The following ERCC6L2 variants were observed in gnomAD, a reference collection of about 807,000 sequenced individuals.
ERCC6L2 encodes ERCC excision repair 6 like 2, also known as DNA excision repair protein ERCC-6-like 2.
Under a neutral mutation model 132.0 loss-of-function variants are expected in ERCC6L2, and 77 were observed. The ratio of observed to expected loss-of-function variants is 0.58; its 90% CI spans 0.49 to 0.71. The LOEUF is 0.71. Ranked by LOEUF, ERCC6L2 falls within the 30% of genes least tolerant of loss-of-function variation. The pLI, the probability that ERCC6L2 is intolerant of heterozygous loss-of-function variation, is 0.00. For synonymous variants in ERCC6L2, 583 were observed against 632.4 expected, an observed-to-expected ratio of 0.92 and a Z score of 1.17; for missense variants, 1,542 against 1,837.6, an observed-to-expected ratio of 0.84 and a Z score of 2.94.
At chr9:96,033,714 C>T (rs1326961672) in intron 19 of ERCC6L2, among the ~76,000 whole-genome samples, 1 of 152,188 alleles carries the variant, frequency 6.6e-6, no homozygotes, top group Non-Finnish European at 1.5e-5. Flanking sequence ...TGTTTCTATC[C>T]ATGAAATAAA....
intron 14 of ERCC6L2, chr9:95,967,312 C>G (rs1832202807): frequency 6.6e-6 from 1 of 152,104 alleles, no homozygotes; most frequent in Non-Finnish European, 1.5e-5. Flanking sequence ...AATTGATATT[C>G]ATATAGGTAT....
rs747385080 is a variant in ERCC6L2 at position 95,922,302 on chromosome 9, C to T, written c.1300-3C>T. 3 of 1,556,824 alleles carry T rather than the reference C, an allele frequency of 1.9e-6. No individual in the cohort carries two copies. In the South Asian group the frequency reaches 3.4e-5, roughly 17 times the overall value. On this transcript the variant is annotated splice_region_variant and splice_polypyrimidine_tract_variant and intron_variant, in intron 7 of 18. Coordinates refer to ENST00000653738, the MANE Select transcript of ERCC6L2 (RefSeq NM_020207.7). ...TTTATTTTCTATATTTTTCTGGTTACAGACCAATTCTCATGGTGAAACAGT... is the reference window on the plus strand; with the variant it reads ...TTTATTTTCTATATTTTTCTGGTTATAGACCAATTCTCATGGTGAAACAGT...
At chr9:95,955,265 C>T (rs1363483038) in intron 12 of ERCC6L2, among the ~76,000 whole-genome samples, 1 of 152,192 alleles carries the variant, frequency 6.6e-6, no homozygotes, top group Non-Finnish European at 1.5e-5. Context: ...TAGACCAGCA[C>T]TTCATAGACT....
chr9:95,925,318 G>A (rs1295375844), intron 9 of ERCC6L2, among the ~76,000 whole-genome samples: 1 of 152,166 alleles, frequency 6.6e-6, no homozygotes, highest in East Asian at 1.9e-4. Context: ...GCCACTTACT[G>A]TGGAGGGTGG....
At chr9:95,914,623 A>T (rs774954478) in intron 4 of ERCC6L2, among the ~76,000 whole-genome samples, 1 of 152,154 alleles carries the variant, frequency 6.6e-6, no homozygotes, top group Non-Finnish European at 1.5e-5. Flanking sequence ...AAGTGCTGGG[A>T]TTACAAGCAT....
intron 2 of ERCC6L2, among the ~76,000 whole-genome samples, chr9:95,885,634 A>G (rs1293007781): frequency 1.3e-5 from 2 of 152,168 alleles, no homozygotes; most frequent in Non-Finnish European, 2.9e-5. Flanking sequence ...TCACTGGAGT[A>G]TACAGGTTTG....
chr9:96,036,454 C>A (rs62559796), intron 19 of ERCC6L2, among the ~76,000 whole-genome samples: 15,822 of 152,222 alleles, frequency 0.1, 892 homozygotes, highest in African/African-American at 0.13. Flanking sequence ...TTGTCCACCT[C>A]ATGGGTGTTC....
At chr9:95,994,067 C>G (rs1369549668) in intron 17 of ERCC6L2, among the ~76,000 whole-genome samples, 1 of 152,292 alleles carries the variant, frequency 6.6e-6, no homozygotes, top group Middle Eastern at 3.4e-3. Context: ...TTTTCTATCT[C>G]CAGGCACAAA....
downstream of ERCC6L2, among the ~76,000 whole-genome samples, chr9:96,018,810 T>G (rs868557909): frequency 3.1e-4 from 47 of 152,168 alleles, no homozygotes; most frequent in African/African-American, 1.1e-3. Flanking sequence ...TTGCCTAAGT[T>G]TCCATTAAGA....
chr9:95,923,598 A>G (rs1315256492), intron 9 of ERCC6L2, among the ~76,000 whole-genome samples: 2 of 152,172 alleles, frequency 1.3e-5, no homozygotes, highest in Non-Finnish European at 2.9e-5. Context: ...AGTTGCTTCA[A>G]ATATACTTCA....
At chr9:95,940,057 A>ATT (rs1830727796) in intron 11 of ERCC6L2, among the ~76,000 whole-genome samples, 1 of 152,172 alleles carries the variant, frequency 6.6e-6, no homozygotes, top group African/African-American at 2.4e-5. Flanking sequence ...GACACCATGG[A>ATT]GGGAGACCCT....
intron 4 of ERCC6L2, among the ~76,000 whole-genome samples, chr9:95,911,403 T>G (rs912795020): frequency 5.3e-5 from 8 of 152,122 alleles, no homozygotes; most frequent in African/African-American, 1.9e-4. Flanking sequence ...AGTTGCCAAA[T>G]AAATGTTTTT....
intron 11 of ERCC6L2, among the ~76,000 whole-genome samples, chr9:95,929,634 A>G (rs1830250825): frequency 6.6e-6 from 1 of 152,234 alleles, no homozygotes. Context: ...ATGAGCCAAC[A>G]TTGTTGAGCA....
At chr9:96,029,582 A>T (rs1834428664) in intron 19 of ERCC6L2, among the ~76,000 whole-genome samples, 1 of 152,064 alleles carries the variant, frequency 6.6e-6, no homozygotes, top group African/African-American at 2.4e-5. Context: ...TTGTTTCCCC[A>T]CTGAGGGATT....
chr9:96,004,912 A>T (rs761361983), intron 18 of ERCC6L2: 21 of 338,060 alleles, frequency 6.2e-5, no homozygotes, highest in Non-Finnish European at 9.8e-5. Context: ...AAATCATGTT[A>T]TACAAAGAAA....
At chr9:95,989,035 G>A (rs562116716) in intron 17 of ERCC6L2, among the ~76,000 whole-genome samples, 16 of 152,272 alleles carry the variant, frequency 1.1e-4, no homozygotes, top group South Asian at 4.2e-4. Flanking sequence ...GAAGAGCTGC[G>A]CAGGGTAAGG....
At chr9:95,911,025 A>G (rs1829317303) in intron 4 of ERCC6L2, among the ~76,000 whole-genome samples, 1 of 152,048 alleles carries the variant, frequency 6.6e-6, no homozygotes, top group Admixed American at 6.6e-5. Context: ...CTTCCAAGTA[A>G]CTAGGACTAC....
chr9:96,006,316 C>T (rs1216562251), intron 18 of ERCC6L2, among the ~76,000 whole-genome samples: 2 of 152,172 alleles, frequency 1.3e-5, no homozygotes, highest in African/African-American at 4.8e-5. Context: ...GCGAGAGGAT[C>T]TTAAAAGGAG....
At chr9:95,954,414 T>A (rs1831496887) in intron 12 of ERCC6L2, among the ~76,000 whole-genome samples, 2 of 152,196 alleles carry the variant, frequency 1.3e-5, no homozygotes, top group South Asian at 4.1e-4. Context: ...TAAATGGCAT[T>A]CCTTTTCCTC....
Sources: gnomAD v4.1 joint callset for allele counts (sites outside exome capture counted in the v4.1 genomes callset) on GRCh38, gnomAD v4.1.1 for gene constraint, MANE v1.5 for transcripts, NCBI Gene and HGNC (gene_info 2026-07-23, HGNC 2026-07-21) for gene names.